Variants in DPP6 observed in about 807,000 individuals in gnomAD.
DPP6 encodes the protein dipeptidyl peptidase like 6.
A neutral mutation model predicts 122.6 loss-of-function variants in DPP6; 69 were observed. The ratio of observed to expected loss-of-function variants is 0.56; its 90% CI spans 0.46 to 0.69. The LOEUF is 0.69. DPP6 is among the 30% of genes least tolerant of loss of function. The pLI, the probability that DPP6 is intolerant of heterozygous loss-of-function variation, is 0.00. For synonymous variants in DPP6, 418 were observed against 433.1 expected, an observed-to-expected ratio of 0.97 and a Z score of 0.43; for missense variants, 928 against 1,116.9, an observed-to-expected ratio of 0.83 and a Z score of 2.41.
At chr7:154,045,061 A>G (rs568382567) in intron 1 of DPP6, among the ~76,000 whole-genome samples, 1 of 152,286 alleles carries the variant, frequency 6.6e-6, no homozygotes, top group Non-Finnish European at 1.5e-5. Context: ...CTTTGCTTTG[A>G]CAATTCCCTT....
chr7:154,681,138 G>C (rs558285689), intron 7 of DPP6, among the ~76,000 whole-genome samples: 1 of 152,030 alleles, frequency 6.6e-6, no homozygotes, highest in African/African-American at 2.4e-5. Context: ...TCACTCTTAA[G>C]CCAGAACAAA....
At position 153,910,900 on chromosome 7, in the gene DPP6, A is replaced by G. The variant is rs527732194; in HGVS notation, c.51+23166A>G. On this transcript the variant is annotated intron_variant, in intron 1 of 25. Coordinates refer to the DPP6 transcript ENST00000404039. ...CTCCCTCAGGGGTCCCAGTTCAGTC[A>G]GTGCCATCATCCTCTCCTACCTGGA... 4.6e-5 allele frequency among the ~76,000 whole-genome samples: 7 copies of G among 152,270 alleles called. No individual in the cohort carries two copies. In the East Asian group the frequency reaches 1.2e-3, roughly 25 times the overall value.
At chr7:154,510,819 T>G (rs1826009297) in intron 3 of DPP6, among the ~76,000 whole-genome samples, 1 of 151,986 alleles carries the variant, frequency 6.6e-6, no homozygotes, top group Admixed American at 6.6e-5. Context: ...TATACCTAAC[T>G]GGGTGAATTT....
chr7:154,679,500 G>A (rs914364979), intron 7 of DPP6, among the ~76,000 whole-genome samples: 6 of 152,150 alleles, frequency 3.9e-5, no homozygotes, highest in East Asian at 1.9e-4. Flanking sequence ...AAATGGGCCC[G>A]TCGCCTCCTC....
At chr7:154,036,333 C>G (rs1056559625) in intron 1 of DPP6, among the ~76,000 whole-genome samples, 4 of 147,894 alleles carry the variant, frequency 2.7e-5, no homozygotes, top group Admixed American at 1.3e-4. Context: ...GTTGGCCAGG[C>G]TGGTCTCGAA....
chr7:154,497,205 TG>T (rs1336789106), intron 3 of DPP6, among the ~76,000 whole-genome samples: 2 of 152,194 alleles, frequency 1.3e-5, no homozygotes, highest in Non-Finnish European at 2.9e-5. Flanking sequence ...TCAAGTAACC[TG>T]CCCAATTAGA....
chr7:154,536,767 C>T (rs1028454173), intron 3 of DPP6, among the ~76,000 whole-genome samples: 1 of 152,102 alleles, frequency 6.6e-6, no homozygotes, highest in African/African-American at 2.4e-5. Context: ...AAAAAAAGTC[C>T]CATGTGACCC....
At chr7:154,324,686 C>T (rs1442890776) in intron 1 of DPP6, among the ~76,000 whole-genome samples, 1 of 152,150 alleles carries the variant, frequency 6.6e-6, no homozygotes, top group Admixed American at 6.5e-5. Context: ...CGTCTTGTTT[C>T]AACATCCTGA....
chr7:154,158,708 G>A (rs1251846119), intron 1 of DPP6, among the ~76,000 whole-genome samples: 1 of 152,028 alleles, frequency 6.6e-6, no homozygotes, highest in Non-Finnish European at 1.5e-5. Flanking sequence ...GGGGCTGAGA[G>A]TAGAGCTTGT....
At chr7:154,304,051 C>A (rs1806090105) in intron 1 of DPP6, among the ~76,000 whole-genome samples, 2 of 152,204 alleles carry the variant, frequency 1.3e-5, no homozygotes, top group African/African-American at 4.8e-5. Context: ...GATGCAAAGA[C>A]TAGAGTGACT....
At chr7:154,870,666 A>G (rs999005804) in intron 18 of DPP6, among the ~76,000 whole-genome samples, 2 of 152,094 alleles carry the variant, frequency 1.3e-5, no homozygotes, top group African/African-American at 4.8e-5. Flanking sequence ...GCTTTGGCCA[A>G]GAAATGTGTG....
At chr7:154,303,024 C>G (rs1049053791) in intron 1 of DPP6, among the ~76,000 whole-genome samples, 1 of 152,192 alleles carries the variant, frequency 6.6e-6, no homozygotes, top group African/African-American at 2.4e-5. Flanking sequence ...CCCTGTCACC[C>G]AGGCTGGAGT....
At chr7:154,534,818 A>G (rs1290373450) in intron 3 of DPP6, among the ~76,000 whole-genome samples, 1 of 152,184 alleles carries the variant, frequency 6.6e-6, no homozygotes, top group East Asian at 1.9e-4. Flanking sequence ...TCAATGTAAT[A>G]CCAATCCTAG....
intron 6 of DPP6, among the ~76,000 whole-genome samples, chr7:154,660,394 G>A (rs111736559): frequency 1.1e-4 from 15 of 141,032 alleles, no homozygotes; most frequent in East Asian, 2.2e-4. Flanking sequence ...TCACCATGGC[G>A]TATTGGCCGT....
intron 17 of DPP6, among the ~76,000 whole-genome samples, chr7:154,862,256 G>C (rs1803470939): frequency 6.6e-6 from 1 of 152,208 alleles, no homozygotes; most frequent in Non-Finnish European, 1.5e-5. Flanking sequence ...CACAGGAAAG[G>C]AGCAGTTCCT....
chr7:154,208,116 C>G (rs75125173), intron 1 of DPP6, among the ~76,000 whole-genome samples: 1 of 152,088 alleles, frequency 6.6e-6, no homozygotes, highest in African/African-American at 2.4e-5. Context: ...AAATAAACAA[C>G]CTCTATAAGT....
At chr7:154,311,817 C>T (rs1449295757) in intron 1 of DPP6, among the ~76,000 whole-genome samples, 1 of 152,210 alleles carries the variant, frequency 6.6e-6, no homozygotes, top group Non-Finnish European at 1.5e-5. Context: ...ATACTTGACT[C>T]TTCTATCAAA....
intron 1 of DPP6, among the ~76,000 whole-genome samples, chr7:154,258,344 A>C (rs1802789408): frequency 6.6e-6 from 1 of 152,198 alleles, no homozygotes. Flanking sequence ...TTCTGGCTTT[A>C]TCATACCTGT....
At position 153,963,716 on chromosome 7, in the gene DPP6, G is replaced by A. The variant is rs531964521; in HGVS notation, c.51+75982G>A. Reference sequence around the variant, plus strand: ...CATGTGCAAGAGATCTGGGTTGCATGCTCCTTATGAGAATCTGATGCCTAA... The same window carrying A: ...CATGTGCAAGAGATCTGGGTTGCATACTCCTTATGAGAATCTGATGCCTAA... On this transcript the variant is annotated intron_variant, in intron 1 of 25. Coordinates refer to the DPP6 transcript ENST00000404039. Among the ~76,000 whole-genome samples the A allele has an allele frequency of 5.8e-4, 88 of 152,304 alleles. 1 individual carries two copies. In the South Asian group the frequency reaches 7.7e-3, roughly 13 times the overall value.
Sources: allele counts gnomAD v4.1 joint callset (sites outside exome capture counted in the v4.1 genomes callset), GRCh38; gene constraint gnomAD v4.1.1; transcripts MANE v1.5; gene names NCBI Gene and HGNC (gene_info 2026-07-23, HGNC 2026-07-21).